Variants in KLF12 observed in about 807,000 individuals in gnomAD.
KLF12 encodes Krueppel-like factor 12.
In KLF12, 9 loss-of-function variants were observed where a neutral mutation model predicts 37.8. The ratio of observed to expected loss-of-function variants is 0.24; its 90% CI spans 0.14 to 0.42. The LOEUF (loss-of-function observed/expected upper bound fraction) is 0.42, where lower values mean the gene tolerates loss of function less well. Among genes scored for constraint, KLF12 ranks in the 10% least tolerant of loss-of-function variants. KLF12 has a pLI of 1.00. For synonymous variants in KLF12, 208 were observed against 202.1 expected, an observed-to-expected ratio of 1.03 and a Z score of -0.25; for missense variants, 411 against 516.0, an observed-to-expected ratio of 0.80 and a Z score of 1.97.
intron 5 of KLF12, among the ~76,000 whole-genome samples, chr13:73,783,605 G>A (rs1260207740): frequency 7.9e-5 from 12 of 152,032 alleles, no homozygotes; most frequent in Non-Finnish European, 4.4e-5. Context: ...ATATGTACAA[G>A]TATTATGCAT....
At chr13:73,715,566 C>T in intron 6 of KLF12, 41 bp from the exon 7 acceptor site, 3 of 1,598,436 alleles carry the variant, frequency 1.9e-6, no homozygotes, top group Non-Finnish European at 2.6e-6. Flanking sequence ...GAGATGCACA[C>T]CGCCCCATTT....
At chr13:74,005,996 A>G (rs1263367238) in intron 1 of KLF12, among the ~76,000 whole-genome samples, 6 of 152,198 alleles carry the variant, frequency 3.9e-5, no homozygotes, top group East Asian at 3.9e-4. Flanking sequence ...TTCTCATTCT[A>G]TACTCTCCTC....
chr13:74,044,456 T>C (rs1343162417), intron 1 of KLF12, among the ~76,000 whole-genome samples: 2 of 151,956 alleles, frequency 1.3e-5, no homozygotes, highest in Non-Finnish European at 2.9e-5. Flanking sequence ...TGGCACATCT[T>C]GAAAGTACCA....
chr13:74,133,292 C>CG (rs1447641696), intron 1 of KLF12, among the ~76,000 whole-genome samples: 1 of 152,014 alleles, frequency 6.6e-6, no homozygotes, highest in African/African-American at 2.4e-5. Flanking sequence ...CGCTCGAGGC[C>CG]GGGGGGCCAA....
At chr13:73,947,172 T>G (rs1201373326) in intron 2 of KLF12, among the ~76,000 whole-genome samples, 3 of 152,234 alleles carry the variant, frequency 2.0e-5, no homozygotes, top group African/African-American at 7.2e-5. Context: ...TCTTTGTATA[T>G]TTATAACAAA....
chr13:74,092,627 AAAAAAAC>A (rs1388236354), intron 1 of KLF12, among the ~76,000 whole-genome samples: 11 of 150,840 alleles, frequency 7.3e-5, no homozygotes, highest in Middle Eastern at 3.4e-3. Flanking sequence ...CTCAAAAAAC[AAAAAAAC>A]AAAAAACAAA....
intron 1 of KLF12, among the ~76,000 whole-genome samples, chr13:74,040,485 T>C (rs772725509): frequency 6.6e-5 from 10 of 152,160 alleles, no homozygotes; most frequent in Admixed American, 1.3e-4. Flanking sequence ...GGAGCCTCCA[T>C]TGTATCAAGA....
intron 7 of KLF12, 99 bp downstream of exon 7, chr13:73,715,269 G>T: frequency 2.1e-6 from 2 of 969,858 alleles, no homozygotes; most frequent in Non-Finnish European, 1.5e-6. Flanking sequence ...GACTTGAGAG[G>T]TACACAGGAT....
At chr13:74,135,556 G>A (rs1863452023), upstream of KLF12, among the ~76,000 whole-genome samples, 1 of 151,256 alleles carries the variant, frequency 6.6e-6, no homozygotes, top group Non-Finnish European at 1.5e-5. Flanking sequence ...CGAGCCGGAG[G>A]GTCGGCGGGG....
chr13:74,287,134 T>C, the KLF12 span, among the ~76,000 whole-genome samples: 1 of 152,162 alleles, frequency 6.6e-6, no homozygotes, highest in Non-Finnish European at 1.5e-5. Flanking sequence ...TGCTGCAGGC[T>C]TTCCATCAGC....
intron 3 of KLF12, among the ~76,000 whole-genome samples, chr13:73,858,818 G>A (rs953565231): frequency 3.3e-5 from 5 of 152,182 alleles, no homozygotes; most frequent in African/African-American, 1.2e-4. Flanking sequence ...AAAATGGAGA[G>A]CATTAAGAAC....
chr13:74,208,162 G>A, the KLF12 span, among the ~76,000 whole-genome samples: 4 of 152,182 alleles, frequency 2.6e-5, no homozygotes, highest in Admixed American at 6.5e-5. Context: ...GAAACATTGA[G>A]ATCATATCTT....
At chr13:73,883,593 A>G (rs1887082621) in intron 3 of KLF12, among the ~76,000 whole-genome samples, 1 of 152,196 alleles carries the variant, frequency 6.6e-6, no homozygotes, top group African/African-American at 2.4e-5. Flanking sequence ...AATTCAATCC[A>G]AGCTATTTCT....
At chr13:74,121,953 T>C (rs1172541383) in intron 1 of KLF12, among the ~76,000 whole-genome samples, 5 of 152,152 alleles carry the variant, frequency 3.3e-5, no homozygotes, top group Non-Finnish European at 7.4e-5. Flanking sequence ...CCCTCTCTTA[T>C]ACCATATACA....
At chr13:74,013,139 C>T (rs73529157) in intron 1 of KLF12, among the ~76,000 whole-genome samples, 69 of 152,344 alleles carry the variant, frequency 4.5e-4, no homozygotes, top group African/African-American at 1.7e-3. Context: ...TTCCCTGAAC[C>T]CCTAACCTTG....
intron 5 of KLF12, among the ~76,000 whole-genome samples, chr13:73,788,167 A>T (rs2138245930): frequency 6.6e-6 from 1 of 152,180 alleles, no homozygotes; most frequent in East Asian, 1.9e-4. Flanking sequence ...TTCATTATGT[A>T]TTGGGTTTTG....
At chr13:73,797,891 T>C (rs1254346205) in intron 5 of KLF12, among the ~76,000 whole-genome samples, 2 of 151,292 alleles carry the variant, frequency 1.3e-5, no homozygotes, top group African/African-American at 2.4e-5. Flanking sequence ...GTCAATCACA[T>C]CTGAACTACT....
the KLF12 span, among the ~76,000 whole-genome samples, chr13:74,171,834 T>C: frequency 1.3e-5 from 2 of 152,214 alleles, no homozygotes; most frequent in African/African-American, 4.8e-5. Flanking sequence ...GAATTATTTC[T>C]GTTGCTATTT....
At chr13:73,792,413 T>A (rs1361859160) in intron 5 of KLF12, among the ~76,000 whole-genome samples, 1 of 152,210 alleles carries the variant, frequency 6.6e-6, no homozygotes, top group Non-Finnish European at 1.5e-5. Context: ...ATCCAATTTA[T>A]CTTGCATTTT....
Sources: gnomAD v4.1 joint callset for allele counts (sites outside exome capture counted in the v4.1 genomes callset) on GRCh38, gnomAD v4.1.1 for gene constraint, MANE v1.5 for transcripts, NCBI Gene and HGNC (gene_info 2026-07-23, HGNC 2026-07-21) for gene names.